The following REXO1 variants were observed in gnomAD, a reference collection of about 807,000 sequenced individuals.
REXO1 encodes the protein REX1, RNA exonuclease 1 homolog.
In REXO1, 42 loss-of-function variants were observed where a neutral mutation model predicts 102.6. The observed-to-expected ratio is 0.41, with a 90% CI of 0.32 to 0.53. The LOEUF (loss-of-function observed/expected upper bound fraction) is 0.53. Among genes scored for constraint, REXO1 ranks in the 20% least tolerant of loss-of-function variants. The pLI, the probability that REXO1 is intolerant of heterozygous loss-of-function variation, is 0.27. For synonymous variants in REXO1, 908 were observed against 779.1 expected (o/e 1.17, Z -2.76); for missense variants, 1,819 against 1,732.5 (o/e 1.05, Z -0.89).
In REXO1 at chr19:1,826,770, C is replaced by T. The variant is rs2069736612; in HGVS notation, c.1911+108G>A. The T allele has an allele frequency of 2.0e-6, 3 of 1,491,878 alleles. No homozygotes were observed. In the African/African-American group the frequency reaches 4.3e-5, roughly 21 times the overall value. The allele number at this position is 1,491,878 out of a possible 1,614,324, so 92.4% of individuals were successfully genotyped here. ...GGGACCAGCACTGAGGAGCTGCCTCCACCCCGTGCCTCCGAGCCAACTGGA... is the reference window on the plus strand; with the variant it reads ...GGGACCAGCACTGAGGAGCTGCCTCTACCCCGTGCCTCCGAGCCAACTGGA... On this transcript the variant is annotated intron_variant, in intron 2 of 15. Transcript: ENST00000170168. This position sits in a 1 kb window ranked among gnomAD's most constrained non-coding sequence, Gnocchi z 4.3.
intron 1 of REXO1, among the ~76,000 whole-genome samples, chr19:1,836,565 G>C (rs2070042271): frequency 6.6e-6 from 1 of 152,030 alleles, no homozygotes; most frequent in African/African-American, 2.4e-5. Flanking sequence ...GGACAATAAG[G>C]TAAAACCCCG....
chr19:1,829,973 G>A (rs1216943036), intron 1 of REXO1, among the ~76,000 whole-genome samples: 1 of 152,134 alleles, frequency 6.6e-6, no homozygotes, highest in African/African-American at 2.4e-5. Context: ...CTTCCCGGGG[G>A]GCAGCTGGGA....
At chr19:1,843,485 C>G (rs1446663234) in intron 1 of REXO1, among the ~76,000 whole-genome samples, 1 of 152,200 alleles carries the variant, frequency 6.6e-6, no homozygotes, top group Non-Finnish European at 1.5e-5. Context: ...AAAGGACAGC[C>G]CACCAGACGA....
chr19:1,817,429 A>G, intron 11 of REXO1, 100 bp from the exon 12 acceptor site: 1 of 1,536,818 alleles, frequency 6.5e-7, no homozygotes, highest in Non-Finnish European at 8.7e-7. Context: ...CATCCTATCC[A>G]TCCATCACGC....
intron 1 of REXO1, 91 bp downstream of exon 1, chr19:1,848,111 G>A (rs1243568039): frequency 3.2e-6 from 2 of 624,124 alleles, no homozygotes; most frequent in Non-Finnish European, 4.6e-6. Context: ...AGGAGGCTGG[G>A]CCGAGAACGG....
chr19:1,826,865 C>T lies in REXO1; in HGVS notation c.1911+13G>A. 2 of 1,564,694 alleles carry T rather than the reference C, an allele frequency of 1.3e-6. No individual in the cohort carries two copies. Among genetic ancestry groups the T allele is most frequent in the South Asian group, 1.2e-5 (1 of 85,426 alleles). On this transcript the variant is annotated intron_variant, in intron 2 of 15. Coordinates refer to ENST00000170168, the MANE Select transcript of REXO1 (RefSeq NM_020695.4). The surrounding 1 kb of genome is among the most constrained non-coding windows in gnomAD (Gnocchi z 4.3). ...CTCTGCCCGAGCCCAGCCCCAGCAC[C>T]CGCGCGCCTCACCTGCCGGGCCAGC...
rs1600507087 is a variant in REXO1 at position 1,816,229 on chromosome 19, G to A, written c.3573C>T (p.Asp1191=). ...MADYLRQIIQ[D]NVDGHSSSED... is the part of the protein sequence containing the mutation. The stretch of plus-strand genomic sequence containing the variant: ...AGGGCAGGCACCGGCACTCACCATT[G>A]TCCTGGATGATCTGTCTGAGGTAGT... The change falls in exon 15 of 16, where the codon GAC becomes GAT. Residue 1191 remains aspartate, a synonymous_variant. Coordinates refer to ENST00000170168, the MANE Select transcript of REXO1 (RefSeq NM_020695.4). The A allele has an allele frequency of 6.3e-7, 1 of 1,584,274 alleles. No homozygotes were observed. The highest frequency in any genetic ancestry group is 1.3e-5 in the African/African-American group (1 of 74,544).
In REXO1 at chr19:1,827,556, G is replaced by A. The variant is rs761297331; in HGVS notation, c.1233C>T (p.Pro411=). ...DKGRGRPVEK[P]RADKKGPQAS... ...CCTGCGGGCCCTTCTTGTCCGCACG[G>A]GGCTTCTCCACAGGCCGCCCTCGGC... Residue 411 remains proline, a synonymous_variant, in exon 2 of 16, where the codon CCC becomes CCT. Coordinates refer to ENST00000170168, the MANE Select transcript of REXO1 (RefSeq NM_020695.4). The A allele has an allele frequency of 6.3e-7, 1 of 1,594,980 alleles. No homozygotes were observed. The highest frequency in any genetic ancestry group is 8.5e-7 in the Non-Finnish European group (1 of 1,176,492).
Position 1,816,555 on chromosome 19 carries a change from G to A in REXO1, c.3332C>T (p.Thr1111Met), listed in dbSNP as rs374377006. Residue 1111 changes from threonine (T) to methionine (M), a missense_variant, in exon 14 of 16, where the codon ACG becomes ATG. Physicochemically the swap from Thr to Met is moderately conservative, Grantham distance 81 (BLOSUM62 -1). Coordinates refer to ENST00000170168, the MANE Select transcript of REXO1 (RefSeq NM_020695.4). ...ACTTGTGTCGGCAAGGTCAGCCTCC[G>A]TCACCCCCGAAAACCTGGGGGAACG... is the stretch of plus-strand genomic sequence containing the variant. The part of the protein sequence containing the change: ...VDYNTRFSGV[T>M]EADLADTSVT... The A allele has an allele frequency of 1.1e-5, 18 of 1,579,838 alleles. No homozygotes were observed. Among genetic ancestry groups the A allele is most frequent in the Admixed American group, 5.1e-5 (3 of 58,706 alleles).
intron 1 of REXO1, among the ~76,000 whole-genome samples, chr19:1,835,490 G>A (rs1599160610): frequency 2.6e-5 from 4 of 152,294 alleles, no homozygotes; most frequent in East Asian, 3.9e-4. Flanking sequence ...GGAGGTTGCA[G>A]TGAGCCGAGA....
intron 3 of REXO1, among the ~76,000 whole-genome samples, chr19:1,825,343 A>G (rs2069682255): frequency 6.6e-6 from 1 of 151,066 alleles, no homozygotes; most frequent in South Asian, 2.1e-4. Context: ...ACAAACAAAC[A>G]GAAAACAGAG....
intron 7 of REXO1, 36 bp from the exon 8 acceptor site, chr19:1,819,167 G>A (rs1322908335): frequency 6.7e-7 from 1 of 1,501,660 alleles, no homozygotes; most frequent in Non-Finnish European, 9.0e-7. Flanking sequence ...AGGGTGTGAA[G>A]TAGCTGGCTC....
At chr19:1,822,968 G>A (rs2069591133) in intron 4 of REXO1, 8 of 152,486 alleles carry the variant, frequency 5.2e-5, no homozygotes, top group Middle Eastern at 3.4e-3. Context: ...CTTTCTGGGG[G>A]ACCCTCATCT....
chr19:1,819,754 G>A (rs1398550906), intron 7 of REXO1, among the ~76,000 whole-genome samples, 180 bp downstream of exon 7: 2 of 152,188 alleles, frequency 1.3e-5, no homozygotes. Context: ...CCAGGGCCAG[G>A]TCCGTCCTAC....
rs181016325 is a variant in REXO1 at position 1,819,913 on chromosome 19, C to A, written c.2650+21G>T. The A allele has an allele frequency of 2.9e-4, 447 of 1,546,202 alleles. 2 individuals carry two copies. In the East Asian group the frequency reaches 9.5e-3, roughly 33 times the overall value. ...CCCAAGAGCAACCCTGAGCCTCCCC[C>A]GCCCACCCGCCAGGACTCACTGCTG... is the stretch of plus-strand genomic sequence containing the variant. On this transcript the variant is annotated intron_variant, in intron 7 of 15. Transcript: ENST00000170168.
Position 1,826,999 on chromosome 19 carries a change from A to T in REXO1, c.1790T>A (p.Val597Glu). Reference protein sequence around the residue: ...SSSTSSAGADVDYSALEKEVD... With the variant: ...SSSTSSAGADEDYSALEKEVD... ...CTCCTTCTCCAGGGCCGAGTAGTCC[A>T]CATCCGCCCCCGCGCTGGAGGTGGA... Residue 597 changes from valine (V) to glutamate (E), a missense_variant, in exon 2 of 16, where the codon GTG becomes GAG. Coordinates refer to ENST00000170168, the MANE Select transcript of REXO1 (RefSeq NM_020695.4). This position sits in a 1 kb window ranked among gnomAD's most constrained non-coding sequence, Gnocchi z 4.3. 1 of 1,531,294 alleles carries T rather than the reference A, an allele frequency of 6.5e-7. No individual in the cohort carries two copies. Among genetic ancestry groups the T allele is most frequent in the South Asian group, 1.2e-5 (1 of 84,344 alleles). 94.9% of individuals were successfully genotyped at this position (1,531,294 alleles called of 1,614,324 possible). A position where few individuals can be genotyped will look rare whatever the true frequency, so the allele number is the denominator to read the frequency against.
rs2069481460 is a variant in REXO1 at position 1,819,924 on chromosome 19, C to T, written c.2650+10G>A. 2 of 1,569,848 alleles carry T rather than the reference C, an allele frequency of 1.3e-6. No individual in the cohort carries two copies. Among genetic ancestry groups the T allele is most frequent in the Non-Finnish European group, 1.7e-6 (2 of 1,161,550 alleles). ...CCCTGAGCCTCCCCCGCCCACCCGC[C>T]AGGACTCACTGCTGAGGCCGGGCAC... On this transcript the variant is annotated intron_variant, in intron 7 of 15. Transcript: ENST00000170168.
Position 1,818,500 on chromosome 19 carries a change from G to A in REXO1, c.2998C>T (p.Arg1000Trp), listed in dbSNP as rs766217237. 116 of 1,608,152 alleles carry A rather than the reference G, an allele frequency of 7.2e-5. No individual in the cohort carries two copies. The highest frequency in any genetic ancestry group is 1.4e-5 in the Non-Finnish European group (16 of 1,178,298). ...GCCTTACCCCGGTTCCGGCGCAGCCGTCCCCAGTGGTAATAACACTCCTCG... is the reference window on the plus strand; with the variant it reads ...GCCTTACCCCGGTTCCGGCGCAGCCATCCCCAGTGGTAATAACACTCCTCG... ...RDEECYYHWG[R>W]LRRNRVAGGW... The change falls in exon 10 of 16, where the codon CGG becomes TGG. Residue 1000 changes from arginine (R) to tryptophan (W), a missense_variant. Arg to Trp is a moderately radical substitution (Grantham distance 101). Transcript: ENST00000170168.
Position 1,828,599 on chromosome 19 carries a change from G to T in REXO1, c.190C>A (p.Pro64Thr). ...LGYDPYNPEL[P>T]KPPAQRENGT... is the part of the protein sequence containing the mutation. ...TTCTCCCTCTGCGCGGGGGGCTTGG[G>T]CAGCTCAGGGTTGTAGGGGTCGTAA... Residue 64 changes from proline (P) to threonine (T), a missense_variant, in exon 2 of 16, where the codon CCC becomes ACC. Coordinates refer to ENST00000170168, the MANE Select transcript of REXO1 (RefSeq NM_020695.4). 1 of 1,602,494 alleles carries T rather than the reference G, an allele frequency of 6.2e-7. No homozygotes were observed. The highest frequency in any genetic ancestry group is 8.5e-7 in the Non-Finnish European group (1 of 1,179,726).
Sources: gnomAD v4.1 joint callset for allele counts (sites outside exome capture counted in the v4.1 genomes callset) on GRCh38, gnomAD v4.1.1 for gene constraint, Gnocchi (gnomAD v3.1) non-coding constraint, MANE v1.5 for transcripts, NCBI Gene and HGNC (gene_info 2026-07-23, HGNC 2026-07-21) for gene names.